Variants in DLGAP2 observed in about 807,000 individuals in gnomAD.
The protein encoded by DLGAP2 is DLG associated protein 2, also known as disks large-associated protein 2.
A neutral mutation model predicts 100.3 loss-of-function variants in DLGAP2; 26 were observed. The observed-to-expected ratio is 0.26, with a 90% CI of 0.19 to 0.36. DLGAP2 has a LOEUF of 0.36. Among genes scored for constraint, DLGAP2 ranks in the 10% least tolerant of loss-of-function variants. DLGAP2 has a pLI of 1.00. For missense variants in DLGAP2, 1,858 were observed against 1,453.2 expected (o/e 1.28, Z -4.53); for synonymous variants, 886 against 630.1 (o/e 1.41, Z -6.08).
intron 6 of DLGAP2, among the ~76,000 whole-genome samples, chr8:1,585,569 C>G (rs769116973): frequency 2.0e-5 from 3 of 152,232 alleles, no homozygotes; most frequent in Non-Finnish European, 2.9e-5. Flanking sequence ...AATCCACAGA[C>G]CACGTAAGCT....
intron 3 of DLGAP2, among the ~76,000 whole-genome samples, chr8:1,421,665 G>C (rs1341999364): frequency 6.6e-6 from 1 of 152,138 alleles, no homozygotes; most frequent in Non-Finnish European, 1.5e-5. Flanking sequence ...CATATGTTTG[G>C]CTATAACAAA....
At position 1,203,597 on chromosome 8, in the gene DLGAP2, C is replaced by T. The variant is rs192935716; in HGVS notation, c.74-55254C>T. Among the ~76,000 whole-genome samples the T allele has an allele frequency of 2.8e-4, 42 of 152,312 alleles. No individual in the cohort carries two copies. The East Asian group carries it at 8.1e-3, about 29-fold the overall frequency. On this transcript the variant is annotated intron_variant, in intron 2 of 14. Coordinates refer to ENST00000637795, the MANE Select transcript of DLGAP2 (RefSeq NM_001346810.2). ...CTCTACTCTTCCCTTTAAGTTTCAG[C>T]TTCTCGTTTGAATGTACTTCCTACA...
chr8:1,173,668 G>C (rs576688305), intron 2 of DLGAP2, among the ~76,000 whole-genome samples: 1 of 152,162 alleles, frequency 6.6e-6, no homozygotes, highest in Admixed American at 6.5e-5. Context: ...CGTTATGGGC[G>C]TAGGACCCTC....
At chr8:1,337,527 A>AGTGATGATGGTGCTGGTGATGATGATG (rs1801316703) in intron 3 of DLGAP2, among the ~76,000 whole-genome samples, 1 of 145,384 alleles carries the variant, frequency 6.9e-6, no homozygotes. Flanking sequence ...TGCTGATGAT[A>AGTGATGATGGTGCTGGTGATGATGATG]GTGATGATGA....
chr8:1,080,548 G>T (rs534996066), intron 2 of DLGAP2, among the ~76,000 whole-genome samples: 1 of 151,722 alleles, frequency 6.6e-6, no homozygotes, highest in African/African-American at 2.4e-5. Context: ...CTCTGTGCTC[G>T]CACGTCTGAA....
intron 2 of DLGAP2, among the ~76,000 whole-genome samples, chr8:1,178,585 T>A (rs1185753777): frequency 6.8e-6 from 1 of 147,396 alleles, no homozygotes; most frequent in East Asian, 1.9e-4. Flanking sequence ...GACATCTCTC[T>A]TTTTTTTAGG....
Position 1,206,323 on chromosome 8 carries a change from G to A in DLGAP2, c.74-52528G>A, listed in dbSNP as rs1183952317. 2.7e-5 allele frequency among the ~76,000 whole-genome samples: 4 copies of A among 148,172 alleles called. No homozygotes were observed. In the East Asian group the frequency reaches 8.1e-4, roughly 30 times the overall value. On this transcript the variant is annotated intron_variant, in intron 2 of 14. Coordinates refer to ENST00000637795, the MANE Select transcript of DLGAP2 (RefSeq NM_001346810.2). ...GTTAATCTCCAGGCATCCGTGGACT[G>A]GGGTAGACTGTGAATGGTTAATCTC...
At chr8:1,610,180 C>G (rs1351208322) in intron 6 of DLGAP2, among the ~76,000 whole-genome samples, 10 of 152,132 alleles carry the variant, frequency 6.6e-5, no homozygotes, top group East Asian at 1.9e-4. Flanking sequence ...GAAATTATAA[C>G]AAACTATCTC....
At chr8:1,595,873 AATTTT>A (rs1385849821) in intron 6 of DLGAP2, among the ~76,000 whole-genome samples, 2 of 143,554 alleles carry the variant, frequency 1.4e-5, no homozygotes, top group African/African-American at 2.5e-5. Flanking sequence ...ATTTTTTTTT[AATTTT>A]ATTATTATTA....
Position 1,548,529 on chromosome 8 carries a change from T to C in DLGAP2, c.173-97T>C, listed in dbSNP as rs1235989416. The C allele has an allele frequency of 6.9e-5, 68 of 989,516 alleles. No individual in the cohort carries two copies. The Admixed American group carries it at 2.2e-3, about 32-fold the overall frequency. The allele number at this position is 989,516 out of a possible 1,614,324, so 61.3% of individuals were successfully genotyped here. On this transcript the variant is annotated intron_variant, in intron 4 of 14. Transcript: ENST00000637795. ...GAGTGCCCAGGCCAGACATGGACACTGATTAATGAAGTCCACGGTGGGGGT... is the reference window on the plus strand; with the variant it reads ...GAGTGCCCAGGCCAGACATGGACACCGATTAATGAAGTCCACGGTGGGGGT...
At chr8:771,590 A>T (rs1821362013) in intron 1 of DLGAP2, among the ~76,000 whole-genome samples, 1 of 152,204 alleles carries the variant, frequency 6.6e-6, no homozygotes. Flanking sequence ...GGCTGTCTGT[A>T]CTAGTCCAAC....
At chr8:1,428,189 C>G (rs962248040) in intron 3 of DLGAP2, among the ~76,000 whole-genome samples, 2 of 151,708 alleles carry the variant, frequency 1.3e-5, no homozygotes, top group African/African-American at 4.8e-5. Context: ...AATAGACAAT[C>G]TCTATCAAAA....
At chr8:1,231,636 G>A in intron 2 of DLGAP2, among the ~76,000 whole-genome samples, 1 of 152,200 alleles carries the variant, frequency 6.6e-6, no homozygotes, top group East Asian at 1.9e-4. Flanking sequence ...TACACCGTGG[G>A]ATACTGCATA....
intron 2 of DLGAP2, among the ~76,000 whole-genome samples, chr8:941,993 A>G (rs1218191924): frequency 6.6e-6 from 1 of 152,048 alleles, no homozygotes; most frequent in East Asian, 1.9e-4. Context: ...TCTCTCTTTA[A>G]AAAATGGTCT....
intron 1 of DLGAP2, among the ~76,000 whole-genome samples, chr8:824,914 G>A (rs2132692074): frequency 6.6e-6 from 1 of 152,304 alleles, no homozygotes; most frequent in Admixed American, 6.5e-5. Flanking sequence ...AGGGGCCATG[G>A]AAGCCACAGG....
chr8:1,045,882 A>G (rs780751883), intron 2 of DLGAP2, among the ~76,000 whole-genome samples: 13 of 152,180 alleles, frequency 8.5e-5, no homozygotes, highest in Non-Finnish European at 1.6e-4. Flanking sequence ...AGATGTCTGC[A>G]CAAGGTTGGA....
intron 2 of DLGAP2, among the ~76,000 whole-genome samples, chr8:1,050,025 GAT>G (rs1802631437): frequency 1.3e-5 from 2 of 152,128 alleles, no homozygotes; most frequent in African/African-American, 2.4e-5. Flanking sequence ...CACACATGCG[GAT>G]ATGTGTACAC....
At chr8:1,413,603 G>A (rs1054561729) in intron 3 of DLGAP2, among the ~76,000 whole-genome samples, 8 of 152,186 alleles carry the variant, frequency 5.3e-5, no homozygotes, top group Non-Finnish European at 8.8e-5. Context: ...TGAGATGTTC[G>A]AAGGCCCTTC....
chr8:879,976 C>G (rs948034470), intron 1 of DLGAP2, among the ~76,000 whole-genome samples: 14 of 152,156 alleles, frequency 9.2e-5, no homozygotes, highest in African/African-American at 3.4e-4. Context: ...TCCTTCTTTA[C>G]TCATTTGATC....
Sources: gnomAD v4.1 joint callset for allele counts (sites outside exome capture counted in the v4.1 genomes callset) on GRCh38, gnomAD v4.1.1 for gene constraint, MANE v1.5 for transcripts, NCBI Gene and HGNC (gene_info 2026-07-23, HGNC 2026-07-21) for gene names.